The following CCDC178 variants were observed in gnomAD, a reference collection of about 807,000 sequenced individuals.
The protein encoded by CCDC178 is coiled-coil domain containing 178, also known as coiled-coil domain-containing protein 178.
In CCDC178, 126 loss-of-function variants were observed where a neutral mutation model predicts 117.4. That is an observed-to-expected ratio of 1.07 (90% CI 0.93 to 1.24). The LOEUF is 1.24. CCDC178 is among the 50% of genes most tolerant of loss of function. The pLI, the probability that CCDC178 is intolerant of heterozygous loss-of-function variation, is 0.00. For synonymous variants in CCDC178, 283 were observed against 313.4 expected, an observed-to-expected ratio of 0.90 and a Z score of 1.02; for missense variants, 1,030 against 986.9, an observed-to-expected ratio of 1.04 and a Z score of -0.59.
At chr18:33,068,238 TACTTATAAAGAAGA>T (rs1165846592) in intron 21 of CCDC178, among the ~76,000 whole-genome samples, 2 of 152,114 alleles carry the variant, frequency 1.3e-5, no homozygotes, top group Non-Finnish European at 2.9e-5. Context: ...CTATCAAACT[TACTTATAAAGAAGA>T]ACTTATAAAG....
At position 33,022,198 on chromosome 18, in the gene CCDC178, T is replaced by G. The variant is rs146315417; in HGVS notation, c.2389-47517A>C. Reference sequence around the variant, plus strand: ...TGCTCTCAAATCTTTTCCCATTCTTTTGTGTGCTGGTTTGTATTTTGGAGG... The same window carrying G: ...TGCTCTCAAATCTTTTCCCATTCTTGTGTGTGCTGGTTTGTATTTTGGAGG... On this transcript the variant is annotated intron_variant, in intron 21 of 22. Transcript: ENST00000383096. 6.8e-4 allele frequency among the ~76,000 whole-genome samples: 104 copies of G among 152,302 alleles called. 1 individual carries two copies. The East Asian group carries it at 0.016, about 24-fold the overall frequency.
At chr18:32,962,397 T>A (rs1391050238) in intron 22 of CCDC178, among the ~76,000 whole-genome samples, 1 of 152,092 alleles carries the variant, frequency 6.6e-6, no homozygotes, top group African/African-American at 2.4e-5. Context: ...GTCATTTCCT[T>A]CAAGCTGAAA....
chr18:33,165,493 T>A (rs1007525660), intron 20 of CCDC178, among the ~76,000 whole-genome samples: 2 of 152,124 alleles, frequency 1.3e-5, no homozygotes, highest in African/African-American at 4.8e-5. Flanking sequence ...TCTGCAGGGG[T>A]CCTAGAACCA....
At chr18:33,379,876 T>A (rs746761599) in intron 5 of CCDC178, among the ~76,000 whole-genome samples, 2 of 152,046 alleles carry the variant, frequency 1.3e-5, no homozygotes, top group Non-Finnish European at 2.9e-5. Context: ...TGCACCATGA[T>A]CTATGCATGG....
Position 33,085,541 on chromosome 18 carries a change from C to T in CCDC178, c.2388+7220G>A, listed in dbSNP as rs534121851. On this transcript the variant is annotated intron_variant, in intron 21 of 22. Transcript: ENST00000383096. ...TCGCGCCACTGCACTCCAGCCTGGG[C>T]GACAGAGAGAGATTCCGTCTCAAAA... is the stretch of plus-strand genomic sequence containing the variant. 3.1e-4 allele frequency among the ~76,000 whole-genome samples: 47 copies of T among 151,776 alleles called. No individual in the cohort carries two copies. In the South Asian group the frequency reaches 6.5e-3, roughly 21 times the overall value.
chr18:33,425,972 T>G, intron 2 of CCDC178, among the ~76,000 whole-genome samples: 1 of 152,212 alleles, frequency 6.6e-6, no homozygotes, highest in Non-Finnish European at 1.5e-5. Context: ...AGATGGGATG[T>G]TCCTGATAAG....
chr18:32,953,493 T>C (rs1033658954), intron 22 of CCDC178, among the ~76,000 whole-genome samples: 1 of 152,190 alleles, frequency 6.6e-6, no homozygotes, highest in African/African-American at 2.4e-5. Flanking sequence ...CCAAAGTCAA[T>C]TGCAAATACA....
At chr18:33,357,213 G>A (rs1227210030) in intron 6 of CCDC178, among the ~76,000 whole-genome samples, 1 of 152,026 alleles carries the variant, frequency 6.6e-6, no homozygotes, top group Admixed American at 6.6e-5. Flanking sequence ...AAATCAAGCT[G>A]TAACCAAACC....
chr18:33,160,997 A>G (rs2058455274), intron 20 of CCDC178, among the ~76,000 whole-genome samples: 1 of 152,182 alleles, frequency 6.6e-6, no homozygotes, highest in African/African-American at 2.4e-5. Context: ...ACTTTGGAAA[A>G]TCTATTTTAT....
At chr18:33,373,289 CT>C (rs1044018371) in intron 5 of CCDC178, among the ~76,000 whole-genome samples, 11 of 152,124 alleles carry the variant, frequency 7.2e-5, no homozygotes, top group Admixed American at 2.6e-4. Context: ...TCTACTCTAA[CT>C]TTAGTCAATG....
intron 20 of CCDC178, among the ~76,000 whole-genome samples, chr18:33,150,236 T>G (rs1450370917): frequency 6.6e-6 from 1 of 151,954 alleles, no homozygotes; most frequent in Non-Finnish European, 1.5e-5. Context: ...AAAAATCAAC[T>G]CAAGATGGAT....
intron 11 of CCDC178, among the ~76,000 whole-genome samples, chr18:33,319,886 G>GT (rs1206288929): frequency 6.6e-6 from 1 of 152,014 alleles, no homozygotes; most frequent in African/African-American, 2.4e-5. Flanking sequence ...TGATGGGGTT[G>GT]TTTTTTTCTT....
intron 20 of CCDC178, among the ~76,000 whole-genome samples, chr18:33,140,328 T>C (rs1340239954): frequency 6.6e-6 from 1 of 152,028 alleles, no homozygotes; most frequent in Admixed American, 6.5e-5. Context: ...CCCAGAATTA[T>C]AGATCCACCA....
chr18:33,024,841 C>T (rs1019855631), intron 21 of CCDC178, among the ~76,000 whole-genome samples: 6 of 149,456 alleles, frequency 4.0e-5, no homozygotes, highest in Non-Finnish European at 5.9e-5. Flanking sequence ...TTAGTAGAGA[C>T]GGGGTTTCAC....
At chr18:32,950,187 G>T (rs1011161952) in intron 22 of CCDC178, among the ~76,000 whole-genome samples, 3 of 152,162 alleles carry the variant, frequency 2.0e-5, no homozygotes, top group Admixed American at 6.5e-5. Flanking sequence ...CCTCCAGAGA[G>T]AATCTGCAAG....
At chr18:33,152,951 A>T (rs1290425965) in intron 20 of CCDC178, among the ~76,000 whole-genome samples, 1 of 151,894 alleles carries the variant, frequency 6.6e-6, no homozygotes, top group Admixed American at 6.6e-5. Flanking sequence ...ACTGGAGCAG[A>T]AAAGAGACTA....
intron 11 of CCDC178, among the ~76,000 whole-genome samples, chr18:33,314,907 C>T (rs1424463702): frequency 6.6e-6 from 1 of 152,158 alleles, no homozygotes. Flanking sequence ...ATCTAAGATT[C>T]CTGCTCAAAA....
intron 20 of CCDC178, among the ~76,000 whole-genome samples, chr18:33,120,738 G>A (rs975646143): frequency 6.6e-6 from 1 of 152,042 alleles, no homozygotes; most frequent in Non-Finnish European, 1.5e-5. Flanking sequence ...ACATGAATAT[G>A]TTTATACATA....
At chr18:33,032,397 C>A (rs2056360168) in intron 21 of CCDC178, among the ~76,000 whole-genome samples, 1 of 152,032 alleles carries the variant, frequency 6.6e-6, no homozygotes, top group Non-Finnish European at 1.5e-5. Flanking sequence ...AGTATCCCAC[C>A]AAAATCACAT....
Sources: allele counts gnomAD v4.1 joint callset (sites outside exome capture counted in the v4.1 genomes callset), GRCh38; gene constraint gnomAD v4.1.1; transcripts MANE v1.5; gene names NCBI Gene and HGNC (gene_info 2026-07-23, HGNC 2026-07-21).